TARBP1: variants seen among roughly 807,000 people sequenced by gnomAD.
TARBP1 encodes tRNA guanosine 2 -O-methyltransferase TARBP1.
In TARBP1, 144 loss-of-function variants were observed where a neutral mutation model predicts 178.6. The ratio of observed to expected loss-of-function variants is 0.81; its 90% CI spans 0.70 to 0.93. TARBP1 has a LOEUF of 0.93. TARBP1 is among the 40% of genes least tolerant of loss of function. TARBP1 has a pLI of 0.00. For synonymous variants in TARBP1, 787 were observed against 781.0 expected (o/e 1.01, Z -0.13); for missense variants, 2,067 against 2,011.7 (o/e 1.03, Z -0.53).
chr1:234,478,924 CG>C lies in TARBP1; in HGVS notation c.179del (p.Ala60GlyfsTer38), dbSNP rs1464641161. On this transcript the variant is annotated frameshift_variant, in exon 1 of 30. Coordinates refer to ENST00000040877, the MANE Select transcript of TARBP1 (RefSeq NM_005646.4). LOFTEE classifies it high-confidence loss of function. ...GSGGAGALPEAAREVAAGYLV... is the reference protein window; with the variant it reads ...GSGGAGALPEXAREVAAGYLV... The stretch of plus-strand genomic sequence containing the variant: ...GGTACCCTGCAGCCACCTCGCGCGC[CG>C]CCTCCGGGAGCGCGCCTGCGCCCCC... 2.1e-6 allele frequency: 3 copies of C among 1,431,252 alleles called. No individual in the cohort carries two copies. Among genetic ancestry groups the C allele is most frequent in the Non-Finnish European group, 2.7e-6 (3 of 1,101,854 alleles). 88.7% of individuals were successfully genotyped at this position (1,431,252 alleles called of 1,614,324 possible). A position where few individuals can be genotyped will look rare whatever the true frequency, so the allele number is the denominator to read the frequency against.
rs1669840467 is a variant in TARBP1 at position 234,478,780 on chromosome 1, G to A, written c.324C>T (p.Val108=). 1.8e-6 allele frequency: 2 copies of A among 1,113,238 alleles called. No individual in the cohort carries two copies. The highest frequency in any genetic ancestry group is 1.7e-5 in the African/African-American group (1 of 59,816). 69.0% of individuals were successfully genotyped at this position (1,113,238 alleles called of 1,614,324 possible). Residue 108 remains valine, a synonymous_variant, in exon 1 of 30, where the codon GTC becomes GTT. Coordinates refer to ENST00000040877, the MANE Select transcript of TARBP1 (RefSeq NM_005646.4). ...CCAGCTGCGGACGCCCGGCCAGGCGGACGCACGAGCGCAGGGCCGCGCCCG... is the reference window on the plus strand; with the variant it reads ...CCAGCTGCGGACGCCCGGCCAGGCGAACGCACGAGCGCAGGGCCGCGCCCG... ...RAAGAALRSC[V]RLAGRPQLAA...
At chr1:234,437,518 C>G (rs1253598919) in intron 12 of TARBP1, 146 bp from the exon 13 acceptor site, 1 of 482,610 alleles carries the variant, frequency 2.1e-6, no homozygotes, top group African/African-American at 2.0e-5. Context: ...ATCATTCACC[C>G]CATGGGGAAA....
intron 8 of TARBP1, among the ~76,000 whole-genome samples, chr1:234,458,919 A>G (rs928159079): frequency 1.3e-5 from 2 of 152,204 alleles, no homozygotes; most frequent in African/African-American, 4.8e-5. Context: ...TGCCTCATAC[A>G]TACTGAAATT....
chr1:234,415,153 G>A (rs1210889891), intron 22 of TARBP1, among the ~76,000 whole-genome samples: 2 of 152,162 alleles, frequency 1.3e-5, no homozygotes, highest in African/African-American at 4.8e-5. Flanking sequence ...ACTCGAGCCT[G>A]TTGAAAAGCC....
chr1:234,404,295 G>A (rs142920682), intron 24 of TARBP1, among the ~76,000 whole-genome samples: 1 of 152,224 alleles, frequency 6.6e-6, no homozygotes, highest in African/African-American at 2.4e-5. Context: ...AAAGTCTATG[G>A]GGTAACTATA....
At chr1:234,405,215 A>T (rs1331818464) in intron 24 of TARBP1, 2 of 151,632 alleles carry the variant, frequency 1.3e-5, no homozygotes, top group Non-Finnish European at 2.9e-5. Flanking sequence ...CTAAAATTTA[A>T]AAAAAAAATC....
In TARBP1 at chr1:234,459,283, T is replaced by C. The variant is rs937650382; in HGVS notation, c.1579A>G (p.Arg527Gly). The C allele has an allele frequency of 6.2e-7, 1 of 1,613,376 alleles. No individual in the cohort carries two copies. Among genetic ancestry groups the C allele is most frequent in the African/African-American group, 1.3e-5 (1 of 74,896 alleles). Residue 527 changes from arginine to glycine, a missense_variant, in exon 8 of 30, where the codon AGA (arginine) becomes GGA (glycine). Physicochemically the swap from Arg to Gly is moderately radical, Grantham distance 125. Transcript: ENST00000040877. ...AGAAGGTAGCATTGGGCTGCCCCTC[T>C]CAGGAGAATCTGATGTGTGATCATA... is the stretch of plus-strand genomic sequence containing the variant. ...CTMITHQILL[R>G]GAAQCYLLQT...
At chr1:234,441,961 T>C (rs185434310) in intron 12 of TARBP1, among the ~76,000 whole-genome samples, 202 of 152,306 alleles carry the variant, frequency 1.3e-3, no homozygotes, top group African/African-American at 4.3e-3. Context: ...ATTGTTTCCA[T>C]CACAGCCAAT....
At chr1:234,421,445 C>T (rs553983884) in intron 20 of TARBP1, among the ~76,000 whole-genome samples, 12 of 152,212 alleles carry the variant, frequency 7.9e-5, no homozygotes, top group African/African-American at 1.2e-4. Context: ...GTTCCAGGGG[C>T]GAAAAGAGAT....
At chr1:234,425,878 C>G (rs566761375) in intron 19 of TARBP1, 85 bp from the exon 20 acceptor site, 1 of 1,099,844 alleles carries the variant, frequency 9.1e-7, no homozygotes, top group African/African-American at 1.6e-5. Context: ...TATCATTACA[C>G]GATCAAAACC....
intron 24 of TARBP1, among the ~76,000 whole-genome samples, chr1:234,402,843 C>T (rs1453998914): frequency 3.9e-5 from 6 of 152,138 alleles, no homozygotes; most frequent in African/African-American, 7.2e-5. Context: ...ACCTCGGCCT[C>T]GCAAAGTGCT....
Position 234,391,754 on chromosome 1 carries a change from G to A in TARBP1, c.4698-9C>T. 1 of 1,608,604 alleles carries A rather than the reference G, an allele frequency of 6.2e-7. No homozygotes were observed. On this transcript the variant is annotated splice_polypyrimidine_tract_variant and intron_variant, in intron 29 of 29. Coordinates refer to ENST00000040877, the MANE Select transcript of TARBP1 (RefSeq NM_005646.4). ...TTCCCTCACGTTCATTTCTGAGGAA[G>A]AAAATGGAAGAAAGATTAGTTTTCC...
At chr1:234,414,260 T>A (rs969210412) in intron 22 of TARBP1, among the ~76,000 whole-genome samples, 1 of 152,156 alleles carries the variant, frequency 6.6e-6, no homozygotes, top group Non-Finnish European at 1.5e-5. Flanking sequence ...CAGCCCAAAT[T>A]TGGCTGTAGC....
At chr1:234,392,113 A>T (rs1341005743) in intron 29 of TARBP1, among the ~76,000 whole-genome samples, 1 of 152,254 alleles carries the variant, frequency 6.6e-6, no homozygotes, top group Non-Finnish European at 1.5e-5. Context: ...CACGCCTGTA[A>T]TCCCACCATG....
At chr1:234,448,023 T>C (rs1485277261) in intron 11 of TARBP1, among the ~76,000 whole-genome samples, 1 of 152,204 alleles carries the variant, frequency 6.6e-6, no homozygotes, top group East Asian at 1.9e-4. Flanking sequence ...CACTGCAACC[T>C]CCGCCACCCA....
rs113648737 is a variant in TARBP1 at position 234,414,237 on chromosome 1, A to G, written c.3706-3706T>C. Among the ~76,000 whole-genome samples the G allele has an allele frequency of 3.4e-3, 513 of 152,314 alleles. 9 individuals are homozygous for G. The highest frequency in any genetic ancestry group is 0.012 in the African/African-American group (479 of 41,574). ...AAATGCATGGACATGGCTGTGTTCC[A>G]ATATAACTCTGCCAGCCCAAATTTG... On this transcript the variant is annotated intron_variant, in intron 22 of 29. Coordinates refer to ENST00000040877, the MANE Select transcript of TARBP1 (RefSeq NM_005646.4).
chr1:234,455,201 T>G (rs1167007207), intron 9 of TARBP1, among the ~76,000 whole-genome samples: 1 of 152,160 alleles, frequency 6.6e-6, no homozygotes, highest in South Asian at 2.1e-4. Context: ...TGTATGTTAT[T>G]TTAAGCCACC....
intron 1 of TARBP1, among the ~76,000 whole-genome samples, 168 bp from the exon 2 acceptor site, chr1:234,472,979 A>ATT (rs34245359): frequency 0.25 from 37,972 of 151,280 alleles, 6,615 homozygotes; most frequent in East Asian, 0.83. Context: ...TCAGAGGGAG[A>ATT]TTTTTTTTTG....
intron 12 of TARBP1, among the ~76,000 whole-genome samples, chr1:234,445,921 G>A (rs1048222598): frequency 1.1e-4 from 16 of 152,152 alleles, no homozygotes; most frequent in Admixed American, 1.0e-3. Context: ...TGAAAGCACT[G>A]AGCATAGGAG....
Sources: allele counts gnomAD v4.1 joint callset (sites outside exome capture counted in the v4.1 genomes callset), GRCh38; gene constraint gnomAD v4.1.1; transcripts MANE v1.5; gene names NCBI Gene and HGNC (gene_info 2026-07-23, HGNC 2026-07-21).